Variants in AFDN observed in about 807,000 individuals in gnomAD.
AFDN encodes afadin.
In AFDN, 68 loss-of-function variants were observed where a neutral mutation model predicts 216.6. The observed-to-expected ratio is 0.31, with a 90% confidence interval of 0.26 to 0.38. AFDN has a LOEUF of 0.38. Ranked by LOEUF, AFDN falls within the 10% of genes least tolerant of loss-of-function variation. The probability of loss-of-function intolerance (pLI) is 1.00; values close to 1 mark genes in which losing one functional copy is unlikely to be tolerated. For synonymous variants in AFDN, 868 were observed against 853.7 expected, an observed-to-expected ratio of 1.02 and a Z score of -0.29; for missense variants, 2,136 against 2,342.0, an observed-to-expected ratio of 0.91 and a Z score of 1.82.
rs1794988836 is a variant in AFDN, at chr6:167,944,008, T to C, written c.3307T>C (p.Tyr1103His). 6.2e-7 allele frequency: 1 copy of C among 1,614,082 alleles called. No homozygotes were observed. The highest frequency in any genetic ancestry group is 1.7e-5 in the Admixed American group (1 of 60,008). The stretch of plus-strand genomic sequence containing the variant: ...GGAAGTAGCAAAGCAGGGTGCCATC[T>C]ACCACGGTCTGGCCACCCTTCTCAA... Reference protein sequence around the residue: ...TLEVAKQGAIYHGLATLLNQP... With the variant: ...TLEVAKQGAIHHGLATLLNQP... Residue 1103 changes from tyrosine to histidine, a missense_variant, in exon 26 of 34, where the codon TAC becomes CAC. This residue lies in a region of AFDN where 74 missense variants were observed against 98.8 expected (regional missense o/e 0.75). Coordinates refer to ENST00000683244, the MANE Select transcript of AFDN (RefSeq NM_001386888.1).
chr6:167,966,009 A>G lies in AFDN; in HGVS notation c.5221A>G (p.Asn1741Asp), dbSNP rs1797514973. 5.8e-6 allele frequency: 9 copies of G among 1,549,730 alleles called. No individual in the cohort carries two copies. The highest frequency in any genetic ancestry group is 4.9e-5 in the East Asian group (2 of 40,912). The part of the protein sequence containing the change: ...SLFTAKFVAY[N>D]EEEEEEDCSL... ...GTTCACTGCCAAGTTTGTTGCATAC[A>G]ATGAGGAGGAGGAGGAGGAGGACTG... The change falls in exon 32 of 34, where the codon AAT (asparagine) becomes GAT (aspartate). Residue 1741 changes from asparagine (N) to aspartate (D), a missense_variant. Transcript: ENST00000683244.
Position 167,880,466 on chromosome 6 carries a change from A to G in AFDN, c.846A>G (p.Leu282=), listed in dbSNP as rs1785971145. 1 of 1,613,936 alleles carries G rather than the reference A, an allele frequency of 6.2e-7. No individual in the cohort carries two copies. Among genetic ancestry groups the G allele is most frequent in the Non-Finnish European group, 8.5e-7 (1 of 1,179,832 alleles). The change falls in exon 6 of 34, where the codon TTA becomes TTG. Residue 282 remains leucine, a synonymous_variant. Coordinates refer to ENST00000683244, the MANE Select transcript of AFDN (RefSeq NM_001386888.1). ...CAGACTTTGCTGTGGCTGAAGCTTTAGAGAAGTATGGTCTGGAAAAAGAAA... is the reference window on the plus strand; with the variant it reads ...CAGACTTTGCTGTGGCTGAAGCTTTGGAGAAGTATGGTCTGGAAAAAGAAA... ...DPADFAVAEA[L]EKYGLEKENP... is the part of the protein sequence containing the mutation.
chr6:167,912,831 A>T (rs1225897100), intron 15 of AFDN, among the ~76,000 whole-genome samples: 2 of 152,208 alleles, frequency 1.3e-5, no homozygotes, highest in African/African-American at 4.8e-5. Flanking sequence ...AAAGTAGTGG[A>T]AAAGAACTGT....
chr6:167,826,985 C>G lies in AFDN; in HGVS notation c.-148C>G, dbSNP rs1174895617. 1.8e-5 allele frequency: 3 copies of G among 168,908 alleles called. No homozygotes were observed. The highest frequency in any genetic ancestry group is 3.5e-5 in the Non-Finnish European group (3 of 86,152). 10.5% of individuals were successfully genotyped at this position (168,908 alleles called of 1,614,324 possible). ...CCCAGGCGGAGGCCAAGTCGGAGGA[C>G]GCGGCGCGGCCGCGGAGGCGGAGGC... On this transcript the variant is annotated 5_prime_UTR_variant, in exon 1 of 34. Transcript: ENST00000683244.
chr6:167,898,076 A>G, intron 10 of AFDN, 129 bp from the exon 11 acceptor site: 1 of 981,690 alleles, frequency 1.0e-6, no homozygotes, highest in Non-Finnish European at 1.5e-6. Flanking sequence ...TCCACTTTAA[A>G]AGGCACTAAA....
Position 167,843,227 on chromosome 6 carries a change from T to C in AFDN, c.105+15990T>C, listed in dbSNP as rs563904518. Among the ~76,000 whole-genome samples the C allele has an allele frequency of 2.0e-5, 3 of 152,322 alleles. No individual in the cohort carries two copies. In the South Asian group the frequency reaches 6.2e-4, roughly 32 times the overall value. On this transcript the variant is annotated intron_variant, in intron 1 of 33. Coordinates refer to ENST00000683244, the MANE Select transcript of AFDN (RefSeq NM_001386888.1). Reference sequence around the variant, plus strand: ...TCCATTCTATACTCAAATGTTACATTAATGTCCCCAATATTTCATCACCTG... The same window carrying C: ...TCCATTCTATACTCAAATGTTACATCAATGTCCCCAATATTTCATCACCTG...
chr6:167,865,839 A>G (rs1784117117), intron 2 of AFDN, among the ~76,000 whole-genome samples: 1 of 151,510 alleles, frequency 6.6e-6, no homozygotes, highest in Non-Finnish European at 1.5e-5. Context: ...TTCTTTGTAC[A>G]TATGAAAATA....
rs770973648 is a variant in AFDN at position 167,889,246 on chromosome 6, A to G, written c.929A>G (p.Asp310Gly). 6 of 1,613,998 alleles carry G rather than the reference A, an allele frequency of 3.7e-6. No homozygotes were observed. Among genetic ancestry groups the G allele is most frequent in the South Asian group, 2.2e-5 (2 of 91,054 alleles). Residue 310 changes from aspartate to glycine, a missense_variant, in exon 7 of 34, where the codon GAT (aspartate) becomes GGT (glycine). Physicochemically the swap from Asp to Gly is moderately conservative, Grantham distance 94. Transcript: ENST00000683244. ...CTTCCTCCTGGAGCCCAGCATTCTG[A>G]TGAAAAGGGTGCTAAAGAAATTATT... ...VMLPPGAQHSDEKGAKEIILD... is the reference protein window; with the variant it reads ...VMLPPGAQHSGEKGAKEIILD...
At chr6:167,844,896 G>A (rs1583129919) in intron 1 of AFDN, among the ~76,000 whole-genome samples, 1 of 123,940 alleles carries the variant, frequency 8.1e-6, no homozygotes, top group Admixed American at 1.1e-4. Flanking sequence ...GTCTCACTCT[G>A]TCACTCAGGC....
In AFDN at chr6:167,965,899, C is replaced by A. The variant is rs1444641531; in HGVS notation, c.5111C>A (p.Pro1704Gln). Residue 1704 changes from proline (P) to glutamine (Q), a missense_variant, in exon 32 of 34, where the codon CCG becomes CAG. This residue lies in a region of AFDN where 981 missense variants were observed against 966.0 expected (regional missense o/e 1.02). Transcript: ENST00000683244. Reference protein sequence around the residue: ...PLPRDYEPPSPSPAPGAPPPP... With the variant: ...PLPRDYEPPSQSPAPGAPPPP... ...CCCCGGGACTACGAGCCCCCGTCCCCGTCCCCCGCGCCCGGCGCCCCTCCT... is the reference window on the plus strand; with the variant it reads ...CCCCGGGACTACGAGCCCCCGTCCCAGTCCCCCGCGCCCGGCGCCCCTCCT... 3 of 1,549,446 alleles carry A rather than the reference C, an allele frequency of 1.9e-6. No homozygotes were observed. The highest frequency in any genetic ancestry group is 1.7e-6 in the Non-Finnish European group (2 of 1,146,574).
At chr6:167,922,632 G>A (rs554658217) in intron 21 of AFDN, among the ~76,000 whole-genome samples, 1 of 152,274 alleles carries the variant, frequency 6.6e-6, no homozygotes, top group South Asian at 2.1e-4. Flanking sequence ...ACAGAGGAGT[G>A]GGAGGCCAAT....
At chr6:167,915,556 A>G in intron 19 of AFDN, 123 bp downstream of exon 19, 2 of 1,158,702 alleles carry the variant, frequency 1.7e-6, no homozygotes, top group African/African-American at 3.1e-5. Flanking sequence ...TTTCGTATGT[A>G]CAAATAATGA....
At chr6:167,902,807 A>G (rs1440306306) in intron 12 of AFDN, among the ~76,000 whole-genome samples, 1 of 152,258 alleles carries the variant, frequency 6.6e-6, no homozygotes, top group East Asian at 1.9e-4. Flanking sequence ...GGGGGACTCC[A>G]GTAAACTGGT....
intron 8 of AFDN, among the ~76,000 whole-genome samples, chr6:167,893,460 G>T (rs1407862881): frequency 6.6e-6 from 1 of 152,110 alleles, no homozygotes; most frequent in Non-Finnish European, 1.5e-5. Flanking sequence ...GTGGTCATGA[G>T]CTCAGCATTG....
chr6:167,917,297 A>C (rs1791205386), intron 20 of AFDN, 65 bp downstream of exon 20: 3 of 1,378,814 alleles, frequency 2.2e-6, no homozygotes, highest in Admixed American at 2.8e-5. Context: ...ATTTGGATGA[A>C]AAAACAAAAG....
At chr6:167,915,619 T>A (rs1282915761) in intron 19 of AFDN, among the ~76,000 whole-genome samples, 186 bp downstream of exon 19, 1 of 152,262 alleles carries the variant, frequency 6.6e-6, no homozygotes, top group Non-Finnish European at 1.5e-5. Context: ...GATTATTTTT[T>A]CACTGTATTA....
At chr6:167,968,930 A>G (rs2295089) in intron 32 of AFDN, 184 bp from the exon 33 acceptor site, 192,629 of 572,852 alleles carry the variant, frequency 0.34, 34,830 homozygotes, top group East Asian at 0.62. Flanking sequence ...TAATTGGATT[A>G]CTCAGGCCAC....
intron 32 of AFDN, chr6:167,968,572 C>T (rs1187287936): frequency 1.9e-5 from 3 of 155,310 alleles, no homozygotes; most frequent in Non-Finnish European, 4.3e-5. Context: ...GCCTGTATTA[C>T]ACTGTCAGAT....
chr6:167,882,433 G>A (rs959939429), intron 6 of AFDN, among the ~76,000 whole-genome samples: 19 of 151,558 alleles, frequency 1.3e-4, no homozygotes, highest in African/African-American at 4.6e-4. Context: ...TGAGGTCAGG[G>A]GTTTGAGACA....
Sources: allele counts gnomAD v4.1 joint callset (sites outside exome capture counted in the v4.1 genomes callset), GRCh38; gene constraint gnomAD v4.1.1; regional missense constraint gnomAD v4.1.1; transcripts MANE v1.5; gene names NCBI Gene and HGNC (gene_info 2026-07-23, HGNC 2026-07-21).